Variants in C10orf53 observed in about 807,000 individuals in gnomAD.
C10orf53 encodes the protein chromosome 10 open reading frame 53, also known as UPF0728 protein C10orf53.
In C10orf53, 8 loss-of-function variants were observed where a neutral mutation model predicts 9.4. That is an observed-to-expected ratio of 0.85 (90% CI 0.50 to 1.53). The LOEUF is 1.53. Among genes scored for constraint, C10orf53 ranks in the 40% most tolerant of loss-of-function variants. The pLI is 0.00. For missense variants in C10orf53, 117 were observed against 117.8 expected (o/e 0.99, Z 0.03); for synonymous variants, 48 against 46.0 (o/e 1.04, Z -0.18).
Position 49,696,514 on chromosome 10 carries a change from C to T in C10orf53, c.*1912C>T, listed in dbSNP as rs978853966. 2.6e-5 allele frequency among the ~76,000 whole-genome samples: 4 copies of T among 152,180 alleles called. No homozygotes were observed. The highest frequency in any genetic ancestry group is 4.4e-5 in the Non-Finnish European group (3 of 68,042). The stretch of plus-strand genomic sequence containing the variant: ...CCTCCTCCAGCATCCGCCTCAACCC[C>T]GCAGGTTGTATTTGTGCCTTCAGAG... On this transcript the variant is annotated 3_prime_UTR_variant, in exon 3 of 3. Coordinates refer to ENST00000374111, the MANE Select transcript of C10orf53 (RefSeq NM_001042427.3).
intron 1 of C10orf53, among the ~76,000 whole-genome samples, chr10:49,681,912 G>A (rs1006452904): frequency 3.3e-5 from 5 of 152,076 alleles, no homozygotes; most frequent in African/African-American, 7.2e-5. Context: ...GGGGGAAGGG[G>A]GGCAACAATT....
chr10:49,688,101 G>A (rs1000718933), intron 1 of C10orf53, among the ~76,000 whole-genome samples: 35 of 151,978 alleles, frequency 2.3e-4, no homozygotes, highest in African/African-American at 7.7e-4. Flanking sequence ...AGGACCTCTC[G>A]TAGCCACTGC....
In C10orf53 at chr10:49,693,883, C is replaced by T. The variant is rs1471254244; in HGVS notation, c.207C>T (p.Asp69=). The T allele has an allele frequency of 1.6e-5, 26 of 1,614,144 alleles. No individual in the cohort carries two copies. Among genetic ancestry groups the T allele is most frequent in the Non-Finnish European group, 2.2e-5 (26 of 1,180,056 alleles). The change falls in exon 2 of 3, where the codon GAC becomes GAT. Residue 69 remains aspartate (D), a synonymous_variant. Transcript: ENST00000374111. ...EEVIFHCNIK[D]LEFGGDGKLD... is the part of the protein sequence containing the mutation. ...TCATCTTCCACTGCAACATTAAGGA[C>T]TTGGAGTTCGGTAAGCCCTTTGGCG...
downstream of C10orf53, among the ~76,000 whole-genome samples, chr10:49,700,533 C>T (rs757172030): frequency 3.5e-4 from 54 of 152,142 alleles, no homozygotes; most frequent in Non-Finnish European, 7.1e-4. Context: ...GGAAATACTC[C>T]GGGTTGGCGG....
downstream of C10orf53, among the ~76,000 whole-genome samples, chr10:49,697,715 C>T (rs1840647831): frequency 6.6e-6 from 1 of 152,060 alleles, no homozygotes; most frequent in Non-Finnish European, 1.5e-5. Flanking sequence ...CCAAGCCCAG[C>T]TAATTTTTGT....
In C10orf53 at chr10:49,687,790, G is replaced by A. The variant is rs1475658266; in HGVS notation, c.98-5984G>A. The stretch of plus-strand genomic sequence containing the variant: ...CTATTGGGTCTGGTTGGAGGAGGAT[G>A]TGCAACAGGAGAGTCCAGCCTGTCT... On this transcript the variant is annotated intron_variant, in intron 1 of 2. Coordinates refer to ENST00000374111, the MANE Select transcript of C10orf53 (RefSeq NM_001042427.3). Among the ~76,000 whole-genome samples, 3 of 152,208 alleles carry A rather than the reference G, an allele frequency of 2.0e-5. No homozygotes were observed. The East Asian group carries it at 5.8e-4, about 29-fold the overall frequency.
intron 1 of C10orf53, among the ~76,000 whole-genome samples, chr10:49,692,006 T>G (rs956034764): frequency 2.0e-5 from 3 of 152,198 alleles, no homozygotes; most frequent in African/African-American, 7.2e-5. Context: ...AGGAGTGTCT[T>G]CAGACAAATG....
At chr10:49,697,797 C>T (rs978769711), downstream of C10orf53, among the ~76,000 whole-genome samples, 4 of 152,178 alleles carry the variant, frequency 2.6e-5, no homozygotes, top group Admixed American at 1.3e-4. Flanking sequence ...CCACCCACCT[C>T]GGCCTCCCAA....
At chr10:49,693,417 G>A (rs1416705797) in intron 1 of C10orf53, among the ~76,000 whole-genome samples, 2 of 152,200 alleles carry the variant, frequency 1.3e-5, no homozygotes, top group Non-Finnish European at 2.9e-5. Context: ...TTCATCAGCA[G>A]AGTAAGAAGT....
At chr10:49,682,701 G>A (rs112111503) in intron 1 of C10orf53, among the ~76,000 whole-genome samples, 57 of 152,150 alleles carry the variant, frequency 3.7e-4, no homozygotes, top group African/African-American at 1.3e-3. Flanking sequence ...GCTGATTGGT[G>A]CATTTACAAT....
At chr10:49,681,861 C>CCAA (rs1840481679) in intron 1 of C10orf53, among the ~76,000 whole-genome samples, 1 of 152,186 alleles carries the variant, frequency 6.6e-6, no homozygotes, top group Admixed American at 6.5e-5. Context: ...CTTTAAGCAC[C>CCAA]TGTAGTCACA....
intron 1 of C10orf53, among the ~76,000 whole-genome samples, chr10:49,686,269 C>A (rs1840527309): frequency 6.6e-6 from 1 of 152,104 alleles, no homozygotes; most frequent in African/African-American, 2.4e-5. Context: ...TTTCTTATGC[C>A]TGTCTTTACT....
At chr10:49,688,644 C>G (rs1240354717) in intron 1 of C10orf53, among the ~76,000 whole-genome samples, 2 of 141,278 alleles carry the variant, frequency 1.4e-5, no homozygotes, top group Non-Finnish European at 3.1e-5. Context: ...CTCACCCCCT[C>G]CTGCTTCTGC....
At chr10:49,701,014 A>T (rs1279262644), downstream of C10orf53, among the ~76,000 whole-genome samples, 1 of 134,324 alleles carries the variant, frequency 7.4e-6, no homozygotes, top group African/African-American at 2.5e-5. Context: ...ATATATATAT[A>T]TGTATATATA....
chr10:49,685,136 A>C (rs940297164), intron 1 of C10orf53, among the ~76,000 whole-genome samples: 1 of 152,134 alleles, frequency 6.6e-6, no homozygotes, highest in Admixed American at 6.5e-5. Context: ...ACACATACAC[A>C]CACACACGCA....
intron 1 of C10orf53, among the ~76,000 whole-genome samples, chr10:49,688,485 A>G (rs1840550502): frequency 6.6e-6 from 1 of 152,032 alleles, no homozygotes; most frequent in South Asian, 2.1e-4. Flanking sequence ...TAACACAGCC[A>G]GCTGATACCG....
chr10:49,706,852 A>G (rs1008988523), intron 2 of C10orf53, among the ~76,000 whole-genome samples: 2 of 152,242 alleles, frequency 1.3e-5, no homozygotes, highest in African/African-American at 4.8e-5. Flanking sequence ...AAAGATGTCC[A>G]TATCACATTT....
chr10:49,696,636 G>A lies in C10orf53; in HGVS notation c.*2034G>A, dbSNP rs1030445491. Among the ~76,000 whole-genome samples the A allele has an allele frequency of 6.6e-5, 10 of 152,134 alleles. No individual in the cohort carries two copies. Among genetic ancestry groups the A allele is most frequent in the South Asian group, 2.1e-4 (1 of 4,822 alleles). On this transcript the variant is annotated 3_prime_UTR_variant, in exon 3 of 3. Transcript: ENST00000374111. The stretch of plus-strand genomic sequence containing the variant: ...CAGTACACGGATTCTAAGAAATACC[G>A]GAGAAGCTTCTGGGAGATGCCTGTG...
Position 49,694,834 on chromosome 10 carries a change from C to T in C10orf53, c.*232C>T. The T allele has an allele frequency of 7.4e-7, 1 of 1,350,896 alleles. No individual in the cohort carries two copies. Among genetic ancestry groups the T allele is most frequent in the Non-Finnish European group, 9.5e-7 (1 of 1,052,920 alleles). 83.7% of individuals were successfully genotyped at this position (1,350,896 alleles called of 1,614,324 possible). On this transcript the variant is annotated 3_prime_UTR_variant, in exon 3 of 3. Coordinates refer to ENST00000374111, the MANE Select transcript of C10orf53 (RefSeq NM_001042427.3). ...ATTTATAACATGTCTCAATCTCAAC[C>T]CATAGGGAGAGCCCTCCAATATCAG...
Sources: gnomAD v4.1 joint callset for allele counts (sites outside exome capture counted in the v4.1 genomes callset) on GRCh38, gnomAD v4.1.1 for gene constraint, MANE v1.5 for transcripts, NCBI Gene and HGNC (gene_info 2026-07-23, HGNC 2026-07-21) for gene names.